The following MACROD2 variants were observed in gnomAD, a reference collection of about 807,000 sequenced individuals.
MACROD2 encodes the protein ADP-ribose glycohydrolase MACROD2.
MACROD2 carries 36 observed loss-of-function variants against 70.4 expected under a neutral mutation model. The observed-to-expected ratio is 0.51, with a 90% CI of 0.39 to 0.68. The LOEUF (loss-of-function observed/expected upper bound fraction) is 0.68, where lower values mean the gene tolerates loss of function less well. MACROD2 is among the 30% of genes least tolerant of loss of function. The pLI is 0.00. For missense variants in MACROD2, 496 were observed against 538.4 expected (o/e 0.92, Z 0.78); for synonymous variants, 172 against 178.8 (o/e 0.96, Z 0.30).
At chr20:15,802,867 C>A (rs75352472) in intron 8 of MACROD2, among the ~76,000 whole-genome samples, 5,746 of 151,992 alleles carry the variant, frequency 0.038, 409 homozygotes, top group African/African-American at 0.13. Flanking sequence ...TACAAAGAAT[C>A]ATTAGAAATT....
intron 15 of MACROD2, among the ~76,000 whole-genome samples, chr20:16,014,514 C>A (rs1237729409): frequency 2.6e-5 from 4 of 152,176 alleles, no homozygotes; most frequent in Non-Finnish European, 5.9e-5. Context: ...CAGATTTTTC[C>A]CATTTCTCTC....
intron 3 of MACROD2, among the ~76,000 whole-genome samples, chr20:14,467,569 G>A (rs1043460554): frequency 2.0e-5 from 3 of 152,072 alleles, no homozygotes; most frequent in Non-Finnish European, 4.4e-5. Flanking sequence ...GCACTCCCCA[G>A]TGAGGTGAAC....
chr20:15,652,398 T>A (rs955594862), intron 8 of MACROD2, among the ~76,000 whole-genome samples: 3 of 152,202 alleles, frequency 2.0e-5, no homozygotes, highest in African/African-American at 7.2e-5. Flanking sequence ...AGCTTTTGTA[T>A]TTTGTTTAGT....
intron 10 of MACROD2, among the ~76,000 whole-genome samples, chr20:15,927,546 C>T (rs1190425574): frequency 2.6e-5 from 4 of 152,046 alleles, no homozygotes; most frequent in South Asian, 2.1e-4. Context: ...AAGTCGAATA[C>T]GACGGTATGA....
At chr20:15,886,976 T>A (rs2064830286) in intron 10 of MACROD2, among the ~76,000 whole-genome samples, 2 of 152,146 alleles carry the variant, frequency 1.3e-5, no homozygotes, top group African/African-American at 4.8e-5. Context: ...AAGCTCCTTC[T>A]TCCTCATTTT....
chr20:14,103,756 A>G (rs2054329755), intron 3 of MACROD2, among the ~76,000 whole-genome samples: 1 of 152,122 alleles, frequency 6.6e-6, no homozygotes, highest in Non-Finnish European at 1.5e-5. Context: ...AATACTTTTT[A>G]TATGTAATTT....
At chr20:15,163,724 A>C (rs2076363878) in intron 5 of MACROD2, among the ~76,000 whole-genome samples, 1 of 151,718 alleles carries the variant, frequency 6.6e-6, no homozygotes, top group African/African-American at 2.4e-5. Context: ...TGGATTGTAA[A>C]TTTTTTTCAA....
intron 5 of MACROD2, among the ~76,000 whole-genome samples, chr20:14,724,397 A>G (rs968381214): frequency 6.6e-6 from 1 of 152,156 alleles, no homozygotes; most frequent in African/African-American, 2.4e-5. Context: ...TCAAAGGCCC[A>G]ATATGTGTGA....
intron 5 of MACROD2, among the ~76,000 whole-genome samples, chr20:15,198,273 AG>A (rs924916248): frequency 9.2e-5 from 14 of 152,206 alleles, no homozygotes; most frequent in African/African-American, 3.4e-4. Flanking sequence ...AGCCTCCTTA[AG>A]TGCTGGGATT....
chr20:14,888,489 C>G (rs1232645339), intron 5 of MACROD2: 1 of 152,204 alleles, frequency 6.6e-6, no homozygotes, highest in East Asian at 1.9e-4. Flanking sequence ...TGTCATTTGC[C>G]TGTAGAAATT....
intron 8 of MACROD2, among the ~76,000 whole-genome samples, chr20:15,667,211 A>G (rs2049911400): frequency 6.6e-6 from 1 of 152,106 alleles, no homozygotes; most frequent in South Asian, 2.1e-4. Context: ...AGATCTGGTC[A>G]TTTAAAAGTG....
rs756863705 is a variant in MACROD2 at position 15,263,316 on chromosome 20, C to T, written c.540+33255C>T. Among the ~76,000 whole-genome samples the T allele has an allele frequency of 8.6e-5, 13 of 151,560 alleles. 1 individual carries two copies. The highest frequency in any genetic ancestry group is 1.9e-4 in the Non-Finnish European group (13 of 67,844). ...CTTTCTGCAATGTTTGTTCTTGGCA[C>T]CTTTGTAAAAATTGAGTTCACTATA... is the stretch of plus-strand genomic sequence containing the variant. On this transcript the variant is annotated intron_variant, in intron 6 of 17. Coordinates refer to ENST00000684519, the MANE Select transcript of MACROD2 (RefSeq NM_001351661.2).
At chr20:15,642,637 CACACGT>C (rs1311414600) in intron 8 of MACROD2, among the ~76,000 whole-genome samples, 3 of 124,958 alleles carry the variant, frequency 2.4e-5, no homozygotes, top group Non-Finnish European at 1.7e-5. Context: ...CACACACACA[CACACGT>C]GTGCATGCAA....
chr20:14,004,624 A>G (rs2052786011), intron 2 of MACROD2, among the ~76,000 whole-genome samples: 1 of 152,172 alleles, frequency 6.6e-6, no homozygotes, highest in Non-Finnish European at 1.5e-5. Context: ...ATTAAAAAAT[A>G]TTAGTCAAGA....
At chr20:14,929,859 A>C (rs1219323401) in intron 5 of MACROD2, among the ~76,000 whole-genome samples, 1 of 152,036 alleles carries the variant, frequency 6.6e-6, no homozygotes. Context: ...TCACCCCATC[A>C]CTTAGAAATT....
chr20:14,657,539 G>C (rs975388305), intron 4 of MACROD2, among the ~76,000 whole-genome samples: 1 of 152,096 alleles, frequency 6.6e-6, no homozygotes, highest in African/African-American at 2.4e-5. Flanking sequence ...ATTACTAGGG[G>C]GTTTCTTTGT....
At chr20:16,006,244 A>G (rs373553399) in intron 15 of MACROD2, among the ~76,000 whole-genome samples, 36 of 152,294 alleles carry the variant, frequency 2.4e-4, no homozygotes, top group Admixed American at 1.8e-3. Flanking sequence ...GCTCTTACTC[A>G]TCATCGGGTC....
intron 8 of MACROD2, among the ~76,000 whole-genome samples, chr20:15,596,847 G>A (rs1156573308): frequency 6.6e-6 from 1 of 152,120 alleles, no homozygotes; most frequent in Non-Finnish European, 1.5e-5. Flanking sequence ...CGGGCTTAAG[G>A]TCCACAGAAT....
intron 3 of MACROD2, among the ~76,000 whole-genome samples, chr20:14,087,122 C>T (rs948509921): frequency 1.3e-5 from 2 of 152,044 alleles, no homozygotes; most frequent in African/African-American, 4.8e-5. Context: ...CAGCTGGGTG[C>T]GGTGGCTCAT....
Sources: gnomAD v4.1 joint callset for allele counts (sites outside exome capture counted in the v4.1 genomes callset) on GRCh38, gnomAD v4.1.1 for gene constraint, MANE v1.5 for transcripts, NCBI Gene and HGNC (gene_info 2026-07-23, HGNC 2026-07-21) for gene names.